The following SLC4A4 variants were observed in gnomAD, a reference collection of about 807,000 sequenced individuals.
The protein encoded by SLC4A4 is solute carrier family 4 member 4.
SLC4A4 carries 27 observed loss-of-function variants against 111.5 expected under a neutral mutation model. The ratio of observed to expected loss-of-function variants is 0.24; its 90% CI spans 0.18 to 0.33. The LOEUF is 0.33. Ranked by LOEUF, SLC4A4 falls within the 10% of genes least tolerant of loss-of-function variation. The pLI, the probability that SLC4A4 is intolerant of heterozygous loss-of-function variation, is 1.00. For synonymous variants in SLC4A4, 443 were observed against 463.4 expected (o/e 0.96, Z 0.57); for missense variants, 909 against 1,315.5 (o/e 0.69, Z 4.78).
chr4:71,324,213 A>G (rs1727333521), intron 3 of SLC4A4, among the ~76,000 whole-genome samples: 1 of 151,970 alleles, frequency 6.6e-6, no homozygotes, highest in South Asian at 2.1e-4. Context: ...TTAAGTGAGG[A>G]AAATGGTATC....
intron 20 of SLC4A4, among the ~76,000 whole-genome samples, chr4:71,554,853 C>T (rs1250593697): frequency 2.0e-5 from 3 of 151,630 alleles, no homozygotes; most frequent in Non-Finnish European, 3.0e-5. Flanking sequence ...GGAAACATAA[C>T]TTTTCCTCCA....
At chr4:71,509,804 T>C (rs993270773) in intron 16 of SLC4A4, among the ~76,000 whole-genome samples, 4 of 152,064 alleles carry the variant, frequency 2.6e-5, no homozygotes, top group African/African-American at 9.7e-5. Flanking sequence ...GCCCCATGGG[T>C]TTGAGCAATG....
intron 2 of SLC4A4, among the ~76,000 whole-genome samples, chr4:71,246,190 T>C (rs1720644397): frequency 6.6e-6 from 1 of 152,184 alleles, no homozygotes; most frequent in Non-Finnish European, 1.5e-5. Context: ...TTGGAATTAT[T>C]ATAGATGTTT....
chr4:71,215,828 A>G (rs963795201), intron 1 of SLC4A4, among the ~76,000 whole-genome samples: 4 of 152,102 alleles, frequency 2.6e-5, no homozygotes, highest in Non-Finnish European at 5.9e-5. Context: ...TAATTCTGTA[A>G]TGCATTGTAC....
chr4:71,274,674 C>G (rs1176357177), intron 3 of SLC4A4, among the ~76,000 whole-genome samples: 1 of 152,106 alleles, frequency 6.6e-6, no homozygotes, highest in Non-Finnish European at 1.5e-5. Context: ...AGAGAAAACA[C>G]TCAAGAGGTG....
At chr4:71,558,733 A>G (rs1162960975) in intron 22 of SLC4A4, among the ~76,000 whole-genome samples, 4 of 151,762 alleles carry the variant, frequency 2.6e-5, no homozygotes, top group Non-Finnish European at 5.9e-5. Flanking sequence ...TTATTATTTT[A>G]TTTTTCATAT....
At chr4:71,493,429 A>G (rs1461698056) in intron 15 of SLC4A4, among the ~76,000 whole-genome samples, 1 of 152,042 alleles carries the variant, frequency 6.6e-6, no homozygotes, top group African/African-American at 2.4e-5. Flanking sequence ...TATTCCAGAC[A>G]TGATGACAGA....
intron 2 of SLC4A4, among the ~76,000 whole-genome samples, chr4:71,121,902 G>A (rs910217513): frequency 1.2e-4 from 18 of 152,130 alleles, no homozygotes; most frequent in Admixed American, 4.6e-4. Flanking sequence ...CACTCCTGAG[G>A]CCAGCAAGAC....
Position 71,094,016 on chromosome 4 carries a change from G to A in SLC4A4, c.-2+1224G>A, listed in dbSNP as rs187064406. On this transcript the variant is annotated intron_variant, in intron 2 of 26. Coordinates refer to the SLC4A4 transcript ENST00000649996. ...TTGGCACCAGATTATCAGCCAGACT[G>A]TTAAAAAAAAAAGTGCTAGGGGCTG... Among the ~76,000 whole-genome samples, 1,313 of 149,384 alleles carry A rather than the reference G, an allele frequency of 8.8e-3. 22 individuals carry two copies. The highest frequency in any genetic ancestry group is 0.031 in the African/African-American group (1,256 of 39,972).
intron 2 of SLC4A4, among the ~76,000 whole-genome samples, chr4:71,152,927 A>G (rs1270670869): frequency 2.0e-5 from 3 of 150,256 alleles, no homozygotes. Flanking sequence ...GGACTGGTAT[A>G]TATCACATAT....
At chr4:71,442,935 A>C (rs145352403) in intron 8 of SLC4A4, among the ~76,000 whole-genome samples, 84 of 151,698 alleles carry the variant, frequency 5.5e-4, no homozygotes, top group African/African-American at 2.0e-3. Context: ...ATGTCTATCT[A>C]TGTAGGGGCC....
intron 1 of SLC4A4, among the ~76,000 whole-genome samples, chr4:71,068,062 G>GTT (rs34542882): frequency 8.8e-5 from 12 of 136,304 alleles, no homozygotes; most frequent in African/African-American, 1.7e-4. Flanking sequence ...TTGAACAAAC[G>GTT]TTTTTTTTTT....
rs757623063 is a variant in SLC4A4 at position 71,255,337 on chromosome 4, A to G, written c.191A>G (p.Tyr64Cys). 1 of 1,613,438 alleles carries G rather than the reference A, an allele frequency of 6.2e-7. No homozygotes were observed. Among genetic ancestry groups the G allele is most frequent in the African/African-American group, 1.3e-5 (1 of 74,860 alleles). Residue 64 changes from tyrosine (Y) to cysteine (C), a missense_variant, in exon 3 of 26, where the codon TAC becomes TGC. By Grantham distance (194) the Tyr-to-Cys change is radical. Transcript: ENST00000264485. ...GAAAAGGAGAGAATCTCTGAGAACTACTCTGACAAATCAGATATTGAAAAT... is the reference window on the plus strand; with the variant it reads ...GAAAAGGAGAGAATCTCTGAGAACTGCTCTGACAAATCAGATATTGAAAAT... The part of the protein sequence containing the change: ...KKEKERISEN[Y>C]SDKSDIENAD...
intron 1 of SLC4A4, among the ~76,000 whole-genome samples, chr4:71,065,315 G>C (rs576436376): frequency 3.4e-5 from 5 of 148,634 alleles, no homozygotes; most frequent in Non-Finnish European, 7.6e-5. Flanking sequence ...TGAAGGGTAG[G>C]GGGTATTTTG....
chr4:71,504,863 G>A (rs10010810), intron 16 of SLC4A4, among the ~76,000 whole-genome samples: 2 of 151,872 alleles, frequency 1.3e-5, no homozygotes, highest in African/African-American at 2.4e-5. Context: ...TTTTCTTCCT[G>A]ATTCTCTCCC....
rs544715648 is a variant in SLC4A4, at chr4:71,119,901, C to T, written c.-2+27109C>T. 3.5e-4 allele frequency among the ~76,000 whole-genome samples: 53 copies of T among 152,278 alleles called. 1 individual carries two copies. The highest frequency in any genetic ancestry group is 3.0e-3 in the Admixed American group (46 of 15,298). ...AACTCTGTCTTCAGTCATGTCTAAT[C>T]TGCTATTAAACTGGTTTGTTGAGCT... On this transcript the variant is annotated intron_variant, in intron 2 of 26. Coordinates refer to the SLC4A4 transcript ENST00000649996.
intron 2 of SLC4A4, among the ~76,000 whole-genome samples, chr4:71,254,022 G>T (rs933963446): frequency 6.6e-6 from 1 of 152,126 alleles, no homozygotes; most frequent in Non-Finnish European, 1.5e-5. Context: ...TACCCCGTAG[G>T]TTACTGTGGA....
chr4:71,291,834 A>AGG (rs1276781687), intron 3 of SLC4A4, among the ~76,000 whole-genome samples: 1 of 152,220 alleles, frequency 6.6e-6, no homozygotes, highest in Non-Finnish European at 1.5e-5. Context: ...TTACTTTATT[A>AGG]TCAAATTGTG....
intron 12 of SLC4A4, among the ~76,000 whole-genome samples, chr4:71,459,679 C>T (rs1446542472): frequency 1.3e-5 from 2 of 152,014 alleles, no homozygotes; most frequent in Non-Finnish European, 2.9e-5. Context: ...TGATTACCTT[C>T]CTAGGGCAAA....
Sources: allele counts gnomAD v4.1 joint callset (sites outside exome capture counted in the v4.1 genomes callset), GRCh38; gene constraint gnomAD v4.1.1; transcripts MANE v1.5; gene names NCBI Gene and HGNC (gene_info 2026-07-23, HGNC 2026-07-21).